Variants in TMEM131L observed in about 807,000 individuals in gnomAD.
TMEM131L encodes transmembrane protein 131-like.
In TMEM131L, 54 loss-of-function variants were observed where a neutral mutation model predicts 192.2. The ratio of observed to expected loss-of-function variants is 0.28; its 90% confidence interval spans 0.23 to 0.35. The LOEUF (loss-of-function observed/expected upper bound fraction) is 0.35, where lower values mean the gene tolerates loss of function less well. Ranked by LOEUF, TMEM131L falls within the 10% of genes least tolerant of loss-of-function variation. TMEM131L has a pLI of 1.00. For synonymous variants in TMEM131L, 701 were observed against 704.9 expected, an observed-to-expected ratio of 0.99 and a Z score of 0.09; for missense variants, 1,888 against 1,972.9, an observed-to-expected ratio of 0.96 and a Z score of 0.82.
At position 153,628,318 on chromosome 4, in the gene TMEM131L, TCCTC is replaced by T. The variant is rs570046892; in HGVS notation, c.4207+636_4207+639del. The stretch of plus-strand genomic sequence containing the variant: ...GGCTCTGATGGGAGGTGAATTCCAG[TCCTC>T]CCTCATTTTTCTTCTCTTTTCCTCC... On this transcript the variant is annotated intron_variant, in intron 31 of 34. Coordinates refer to ENST00000409959, the MANE Select transcript of TMEM131L (RefSeq NM_001131007.2). Among the ~76,000 whole-genome samples the T allele has an allele frequency of 1.5e-4, 23 of 152,222 alleles. No individual in the cohort carries two copies. In the South Asian group the frequency reaches 4.2e-3, roughly 27 times the overall value.
At chr4:153,568,120 G>A (rs1729345044) in intron 7 of TMEM131L, among the ~76,000 whole-genome samples, 1 of 152,138 alleles carries the variant, frequency 6.6e-6, no homozygotes, top group Non-Finnish European at 1.5e-5. Context: ...AAAAGGAATT[G>A]CTTAAACTTC....
At chr4:153,622,301 G>A (rs531623593) in intron 28 of TMEM131L, among the ~76,000 whole-genome samples, 4 of 152,290 alleles carry the variant, frequency 2.6e-5, no homozygotes, top group Admixed American at 6.5e-5. Context: ...GTCTGGTACC[G>A]GATAGTGGGG....
chr4:153,477,057 G>A (rs184726555), intron 3 of TMEM131L, among the ~76,000 whole-genome samples: 1 of 152,250 alleles, frequency 6.6e-6, no homozygotes, highest in African/African-American at 2.4e-5. Flanking sequence ...GAAAGTGGAT[G>A]GAGGGAAATG....
At chr4:153,515,038 C>G (rs2150102889) in intron 3 of TMEM131L, among the ~76,000 whole-genome samples, 1 of 152,296 alleles carries the variant, frequency 6.6e-6, no homozygotes. Flanking sequence ...TCTCGAACTC[C>G]CGACCTCAGG....
chr4:153,541,417 T>A (rs1318235995), intron 3 of TMEM131L, among the ~76,000 whole-genome samples: 1 of 152,218 alleles, frequency 6.6e-6, no homozygotes, highest in Admixed American at 6.5e-5. Flanking sequence ...CATGGAGTTA[T>A]GGAAGACACA....
intron 2 of TMEM131L, among the ~76,000 whole-genome samples, chr4:153,473,278 G>A (rs1731280851): frequency 6.6e-6 from 1 of 152,208 alleles, no homozygotes; most frequent in South Asian, 2.1e-4. Context: ...TGAGGAGACT[G>A]GTCTTTGCTG....
At chr4:153,512,592 C>G (rs1334137508) in intron 3 of TMEM131L, among the ~76,000 whole-genome samples, 4 of 152,164 alleles carry the variant, frequency 2.6e-5, no homozygotes, top group Non-Finnish European at 5.9e-5. Context: ...TCATGCCATT[C>G]CTGACATCTA....
At chr4:153,557,557 G>A (rs1167442275) in intron 6 of TMEM131L, among the ~76,000 whole-genome samples, 1 of 152,150 alleles carries the variant, frequency 6.6e-6, no homozygotes, top group African/African-American at 2.4e-5. Context: ...GTACCAGGAA[G>A]GGAGCTTGAA....
At chr4:153,563,319 C>T (rs755228854) in intron 7 of TMEM131L, among the ~76,000 whole-genome samples, 6 of 152,190 alleles carry the variant, frequency 3.9e-5, no homozygotes, top group South Asian at 4.1e-4. Context: ...TTTAAAAGAT[C>T]GTTATGAGTT....
chr4:153,621,946 A>G, intron 28 of TMEM131L, 97 bp downstream of exon 28: 2 of 1,187,476 alleles, frequency 1.7e-6, no homozygotes, highest in Non-Finnish European at 2.4e-6. Context: ...CAGTGATTTT[A>G]TCTCTACAGG....
At chr4:153,621,432 C>T (rs1047831386) in intron 27 of TMEM131L, among the ~76,000 whole-genome samples, 23 of 152,292 alleles carry the variant, frequency 1.5e-4, no homozygotes, top group Middle Eastern at 3.4e-3. Context: ...ATCCAGAATT[C>T]GAACCCAGGC....
intron 3 of TMEM131L, among the ~76,000 whole-genome samples, chr4:153,530,802 A>T (rs1735842396): frequency 6.6e-6 from 1 of 152,124 alleles, no homozygotes. Flanking sequence ...TAGTTCCAAG[A>T]TAGCTTCCTG....
At chr4:153,573,498 A>G (rs890669148) in intron 7 of TMEM131L, among the ~76,000 whole-genome samples, 5 of 152,248 alleles carry the variant, frequency 3.3e-5, no homozygotes, top group African/African-American at 1.2e-4. Context: ...ATCAAGGTGA[A>G]AATCCCACAT....
chr4:153,489,614 G>A (rs1317649848), intron 3 of TMEM131L, among the ~76,000 whole-genome samples: 1 of 151,976 alleles, frequency 6.6e-6, no homozygotes, highest in African/African-American at 2.4e-5. Flanking sequence ...AGTAGCTGGG[G>A]TTACAGGCAT....
intron 7 of TMEM131L, among the ~76,000 whole-genome samples, chr4:153,563,844 C>T (rs1203935533): frequency 6.6e-6 from 1 of 152,126 alleles, no homozygotes; most frequent in Non-Finnish European, 1.5e-5. Flanking sequence ...TATTACAACA[C>T]TGCACACAAA....
chr4:153,505,199 C>T (rs7676993), intron 3 of TMEM131L, among the ~76,000 whole-genome samples: 2,879 of 151,636 alleles, frequency 0.019, 98 homozygotes, highest in African/African-American at 0.063. Flanking sequence ...CTCTGCCTTC[C>T]GGGTTCAAGT....
At chr4:153,530,991 T>C (rs953513306) in intron 3 of TMEM131L, among the ~76,000 whole-genome samples, 1 of 152,192 alleles carries the variant, frequency 6.6e-6, no homozygotes, top group African/African-American at 2.4e-5. Flanking sequence ...AATAGCTAGC[T>C]CATTTCCTGC....
At chr4:153,636,192 T>A in intron 34 of TMEM131L, 109 bp from the exon 35 acceptor site, 1 of 1,127,762 alleles carries the variant, frequency 8.9e-7, no homozygotes, top group Non-Finnish European at 1.3e-6. Context: ...AGTAGTCTAA[T>A]AACTTCCAAG....
chr4:153,534,488 C>T (rs1736157444), intron 3 of TMEM131L, among the ~76,000 whole-genome samples: 1 of 152,066 alleles, frequency 6.6e-6, no homozygotes, highest in African/African-American at 2.4e-5. Flanking sequence ...GGCTGGAGTA[C>T]AGTGGCGCAA....
Sources: gnomAD v4.1 joint callset for allele counts (sites outside exome capture counted in the v4.1 genomes callset) on GRCh38, gnomAD v4.1.1 for gene constraint, MANE v1.5 for transcripts, NCBI Gene and HGNC (gene_info 2026-07-23, HGNC 2026-07-21) for gene names.